Variants in DYRK1A observed in about 807,000 individuals in gnomAD.
The protein encoded by DYRK1A is dual specificity tyrosine phosphorylation regulated kinase 1A.
A neutral mutation model predicts 79.7 loss-of-function variants in DYRK1A; 9 were observed. The observed-to-expected ratio is 0.11, with a 90% confidence interval of 0.07 to 0.20. The LOEUF is 0.20. Among genes scored for constraint, DYRK1A ranks in the 10% least tolerant of loss-of-function variants. The pLI is 1.00. For missense variants in DYRK1A, 622 were observed against 956.0 expected, an observed-to-expected ratio of 0.65 and a Z score of 4.61; for synonymous variants, 349 against 329.7, an observed-to-expected ratio of 1.06 and a Z score of -0.63.
At chr21:37,400,379 T>C (rs1020798790) in intron 1 of DYRK1A, among the ~76,000 whole-genome samples, 22 of 152,202 alleles carry the variant, frequency 1.4e-4, no homozygotes, top group African/African-American at 4.8e-4. Context: ...TGTAGATATC[T>C]TTTGGTGGAC....
At position 37,515,838 on chromosome 21, in the gene DYRK1A, A is replaced by C. The variant is rs899376359; in HGVS notation, c.*3307A>C. 1 of 152,132 alleles carries C rather than the reference A, an allele frequency of 6.6e-6. No individual in the cohort carries two copies. The highest frequency in any genetic ancestry group is 2.4e-5 in the African/African-American group (1 of 41,436). 9.4% of individuals were successfully genotyped at this position (152,132 alleles called of 1,614,324 possible). ...GCACATGGATATTGGGCTGAAAAAA[A>C]AAAACCGACATTTTTATTTAAAACT... On this transcript the variant is annotated 3_prime_UTR_variant, in exon 12 of 12. Coordinates refer to ENST00000647188, the MANE Select transcript of DYRK1A (RefSeq NM_001347721.2).
At chr21:37,506,663 C>CTT (rs1472741521) in intron 11 of DYRK1A, among the ~76,000 whole-genome samples, 3 of 152,182 alleles carry the variant, frequency 2.0e-5, no homozygotes, top group East Asian at 3.9e-4. Context: ...TGATTTTAGC[C>CTT]TTTTTGTTGT....
chr21:37,511,627 C>A (rs938076179), intron 11 of DYRK1A, among the ~76,000 whole-genome samples: 1 of 152,128 alleles, frequency 6.6e-6, no homozygotes, highest in African/African-American at 2.4e-5. Flanking sequence ...TTTGCTGACC[C>A]CTGGCATAAA....
intron 9 of DYRK1A, chr21:37,503,005 TC>T: frequency 6.6e-6 from 1 of 152,330 alleles, no homozygotes; most frequent in South Asian, 2.1e-4. Flanking sequence ...TTAGCATTGT[TC>T]CCCTGCATAT....
chr21:37,494,579 C>A (rs919134289), intron 8 of DYRK1A, among the ~76,000 whole-genome samples: 1 of 152,066 alleles, frequency 6.6e-6, no homozygotes, highest in Admixed American at 6.6e-5. Flanking sequence ...AAACCATATA[C>A]CCCACTTACG....
At chr21:37,447,332 TAATATATA>T (rs1258394823) in intron 2 of DYRK1A, among the ~76,000 whole-genome samples, 1 of 152,178 alleles carries the variant, frequency 6.6e-6, no homozygotes, top group Non-Finnish European at 1.5e-5. Context: ...TTTATGATAC[TAATATATA>T]AGTGTACATA....
upstream of DYRK1A, among the ~76,000 whole-genome samples, chr21:37,366,698 T>G (rs1342181590): frequency 1.3e-5 from 2 of 151,066 alleles, no homozygotes; most frequent in African/African-American, 2.4e-5. Context: ...GCCCGCCGGC[T>G]CGGGGCTGGG....
chr21:37,456,531 T>A (rs1215341397), intron 2 of DYRK1A, among the ~76,000 whole-genome samples: 2 of 152,210 alleles, frequency 1.3e-5, no homozygotes, highest in Non-Finnish European at 2.9e-5. Flanking sequence ...CAGGGTGCTG[T>A]TTCCTAACCC....
chr21:37,412,185 TAGA>T (rs973629958), intron 1 of DYRK1A, among the ~76,000 whole-genome samples: 4 of 152,040 alleles, frequency 2.6e-5, no homozygotes, highest in African/African-American at 4.8e-5. Flanking sequence ...AAATTTCAGG[TAGA>T]AGAAATAAAC....
intron 2 of DYRK1A, among the ~76,000 whole-genome samples, chr21:37,445,009 C>T (rs1337154515): frequency 6.6e-6 from 1 of 152,074 alleles, no homozygotes; most frequent in East Asian, 1.9e-4. Flanking sequence ...AAAACTGGGA[C>T]ACCTAAAAGT....
At chr21:37,369,179 TTAA>T (rs1424683315) in intron 1 of DYRK1A, among the ~76,000 whole-genome samples, 1 of 152,264 alleles carries the variant, frequency 6.6e-6, no homozygotes, top group Admixed American at 6.5e-5. Flanking sequence ...GTCCAAAGTA[TTAA>T]TGAATATATT....
chr21:37,390,145 T>G (rs1362934110), intron 1 of DYRK1A, among the ~76,000 whole-genome samples: 2 of 152,118 alleles, frequency 1.3e-5, no homozygotes, highest in African/African-American at 4.8e-5. Flanking sequence ...GCTTGATACC[T>G]GTCAGTACCA....
chr21:37,486,442 G>A (rs761718874), intron 5 of DYRK1A, 25 bp from the exon 6 acceptor site: 16 of 1,410,844 alleles, frequency 1.1e-5, no homozygotes, highest in Non-Finnish European at 1.5e-5. Flanking sequence ...TAATGAAATA[G>A]AGAATTATTC....
chr21:37,475,048 A>G (rs1381075303), intron 3 of DYRK1A, among the ~76,000 whole-genome samples: 4 of 152,214 alleles, frequency 2.6e-5, no homozygotes, highest in East Asian at 3.8e-4. Flanking sequence ...AGCTTATACT[A>G]AAGAATCTTT....
chr21:37,394,976 C>G (rs1256426577), intron 1 of DYRK1A, among the ~76,000 whole-genome samples: 1 of 152,198 alleles, frequency 6.6e-6, no homozygotes, highest in Non-Finnish European at 1.5e-5. Flanking sequence ...TGTGGTTGTC[C>G]TTTGTACAGG....
chr21:37,405,444 G>A (rs1210106965), intron 1 of DYRK1A, among the ~76,000 whole-genome samples: 2 of 152,076 alleles, frequency 1.3e-5, no homozygotes, highest in Non-Finnish European at 2.9e-5. Context: ...TTATTTGCAG[G>A]CATCTATGCA....
chr21:37,496,022 G>T, intron 8 of DYRK1A, 96 bp from the exon 9 acceptor site: 1 of 1,208,546 alleles, frequency 8.3e-7, no homozygotes, highest in African/African-American at 1.5e-5. Flanking sequence ...CAGACACACA[G>T]GAGGTGTGCA....
chr21:37,434,985 CTATA>C (rs1259039584), intron 2 of DYRK1A, among the ~76,000 whole-genome samples: 1 of 152,144 alleles, frequency 6.6e-6, no homozygotes, highest in African/African-American at 2.4e-5. Context: ...ACTCACATGT[CTATA>C]TAGTAAAAAG....
chr21:37,465,312 A>G lies in DYRK1A; in HGVS notation c.11-7372A>G, dbSNP rs182262407. Among the ~76,000 whole-genome samples the G allele has an allele frequency of 2.3e-3, 348 of 152,348 alleles. 4 individuals carry two copies. Among genetic ancestry groups the G allele is most frequent in the African/African-American group, 7.9e-3 (327 of 41,584 alleles). ...CATCAGATTCTTTGTCACCTAGCAT[A>G]TCACCGTTATGCATGGGAATGTGTA... On this transcript the variant is annotated intron_variant, in intron 2 of 11. Transcript: ENST00000647188.
Sources: gnomAD v4.1 joint callset for allele counts (sites outside exome capture counted in the v4.1 genomes callset) on GRCh38, gnomAD v4.1.1 for gene constraint, MANE v1.5 for transcripts, NCBI Gene and HGNC (gene_info 2026-07-23, HGNC 2026-07-21) for gene names.